NRG1: variants seen among roughly 807,000 people sequenced by gnomAD.
NRG1 encodes pro-neuregulin-1, membrane-bound isoform.
In NRG1, 18 loss-of-function variants were observed where a neutral mutation model predicts 63.8. The observed-to-expected ratio is 0.28, with a 90% CI of 0.19 to 0.42. NRG1 has a LOEUF of 0.42. NRG1 is among the 10% of genes least tolerant of loss of function. NRG1 has a pLI of 1.00. For missense variants in NRG1, 762 were observed against 814.7 expected (o/e 0.94, Z 0.79); for synonymous variants, 302 against 301.3 (o/e 1.00, Z -0.02).
intron 1 of NRG1, among the ~76,000 whole-genome samples, chr8:32,512,044 C>T (rs1369562260): frequency 6.6e-6 from 1 of 151,868 alleles, no homozygotes; most frequent in African/African-American, 2.4e-5. Flanking sequence ...TCATTCCATG[C>T]CACAGGAATG....
intron 1 of NRG1, among the ~76,000 whole-genome samples, chr8:32,591,282 A>G (rs1430942405): frequency 6.6e-6 from 1 of 152,162 alleles, no homozygotes; most frequent in Non-Finnish European, 1.5e-5. Context: ...GCTTTTCCAC[A>G]TCTGATGATT....
At chr8:32,482,936 A>G (rs1012742822) in intron 1 of NRG1, among the ~76,000 whole-genome samples, 4 of 152,224 alleles carry the variant, frequency 2.6e-5, no homozygotes, top group African/African-American at 4.8e-5. Flanking sequence ...TATTTATACC[A>G]AAGTGCCAAA....
chr8:31,706,855 AT>A (rs1265136338), intron 1 of NRG1, among the ~76,000 whole-genome samples: 2 of 151,818 alleles, frequency 1.3e-5, no homozygotes, highest in Non-Finnish European at 2.9e-5. Flanking sequence ...TGTATCTTTT[AT>A]TTTTTTCAAC....
chr8:32,490,027 A>G (rs775454228), intron 1 of NRG1, among the ~76,000 whole-genome samples: 1 of 152,320 alleles, frequency 6.6e-6, no homozygotes, highest in Admixed American at 6.5e-5. Context: ...AAATTCTTGC[A>G]GCTGGATGTG....
chr8:32,011,797 C>T (rs1417249625), intron 1 of NRG1, among the ~76,000 whole-genome samples: 5 of 152,072 alleles, frequency 3.3e-5, no homozygotes, highest in African/African-American at 9.7e-5. Flanking sequence ...CTGGAGGCTT[C>T]TGAGTAACTG....
rs961609710 is a variant in NRG1 at position 32,650,212 on chromosome 8, A to G, written c.502+33327A>G. On this transcript the variant is annotated intron_variant, in intron 5 of 11. Coordinates refer to ENST00000356819, the Ensembl canonical transcript of NRG1. ...TGTTTTAGTAGATTACATATTCCTT[A>G]TCAGTTTTTTTTTCCCCAAGCCAGG... Among the ~76,000 whole-genome samples the G allele has an allele frequency of 3.3e-5, 5 of 152,106 alleles. No homozygotes were observed. The East Asian group carries it at 9.6e-4, about 29-fold the overall frequency.
chr8:32,072,267 C>T (rs569548248), intron 1 of NRG1, among the ~76,000 whole-genome samples: 1 of 150,440 alleles, frequency 6.6e-6, no homozygotes, highest in Non-Finnish European at 1.5e-5. Context: ...AATAAGAAAC[C>T]CAAAACCTTG....
chr8:32,418,935 G>T (rs868348964), intron 1 of NRG1, among the ~76,000 whole-genome samples: 2 of 152,104 alleles, frequency 1.3e-5, no homozygotes, highest in South Asian at 2.1e-4. Context: ...CAACATTTAT[G>T]AAAACAGAAT....
At chr8:32,267,776 ATCTCTTCCT>A (rs1851134427) in intron 1 of NRG1, among the ~76,000 whole-genome samples, 1 of 152,168 alleles carries the variant, frequency 6.6e-6, no homozygotes, top group African/African-American at 2.4e-5. Flanking sequence ...GCTGATGTTC[ATCTCTTCCT>A]TATGTTATAC....
intron 1 of NRG1, among the ~76,000 whole-genome samples, chr8:31,919,464 TTGTATATTTTGAAAATG>T (rs1357187949): frequency 6.6e-6 from 1 of 151,962 alleles, no homozygotes; most frequent in African/African-American, 2.4e-5. Context: ...TAGTATGAGA[TTGTATATTTTGAAAATG>T]TGCAGAGGTT....
At chr8:32,581,575 C>G (rs2129531745) in intron 1 of NRG1, among the ~76,000 whole-genome samples, 1 of 152,112 alleles carries the variant, frequency 6.6e-6, no homozygotes, top group African/African-American at 2.4e-5. Context: ...CCTCTGTCTC[C>G]TAAGTGAAAC....
chr8:32,308,784 T>C (rs573598587), intron 1 of NRG1, among the ~76,000 whole-genome samples: 15 of 152,272 alleles, frequency 9.9e-5, no homozygotes, highest in African/African-American at 3.4e-4. Flanking sequence ...AGGGGGAAAA[T>C]TGGTGCTACA....
At chr8:31,715,697 A>G (rs562868551) in intron 1 of NRG1, among the ~76,000 whole-genome samples, 19 of 152,230 alleles carry the variant, frequency 1.2e-4, no homozygotes, top group African/African-American at 4.3e-4. Context: ...GGGTGCGGGG[A>G]GCAAAACTTG....
chr8:32,036,713 T>TG (rs1819130378), intron 1 of NRG1, among the ~76,000 whole-genome samples: 1 of 152,180 alleles, frequency 6.6e-6, no homozygotes. Flanking sequence ...TTTTTCCACT[T>TG]GGTCTATTCA....
chr8:32,337,466 A>G (rs1803419511), intron 1 of NRG1, among the ~76,000 whole-genome samples: 1 of 151,884 alleles, frequency 6.6e-6, no homozygotes, highest in Non-Finnish European at 1.5e-5. Flanking sequence ...TGTCTGTTTT[A>G]TAAGTAGAGG....
rs549013945 is a variant in NRG1, at chr8:32,073,530, C to T, written c.37+434099C>T. Among the ~76,000 whole-genome samples the T allele has an allele frequency of 1.6e-4, 24 of 152,180 alleles. 1 individual carries two copies. The highest frequency in any genetic ancestry group is 1.0e-3 in the Admixed American group (16 of 15,264). On this transcript the variant is annotated intron_variant, in intron 1 of 10. Transcript: ENST00000519301. The stretch of plus-strand genomic sequence containing the variant: ...ATAAGATAAATGCTCTGTTTTTATG[C>T]GTCTCTCTTTTCTAAAGTTGAATTG...
At position 32,142,907 on chromosome 8, in the gene NRG1, C is replaced by T. The variant is rs558425482; in HGVS notation, c.38-452921C>T. Among the ~76,000 whole-genome samples, 5 of 152,276 alleles carry T rather than the reference C, an allele frequency of 3.3e-5. No homozygotes were observed. The South Asian group carries it at 1.0e-3, about 32-fold the overall frequency. On this transcript the variant is annotated intron_variant, in intron 1 of 10. Coordinates refer to the NRG1 transcript ENST00000519301. ...TATGGATTAGGTTTCTAAAGGTATA[C>T]TTATGTCTGCCTTCGTCTTCAGAAA...
At chr8:32,336,270 G>A (rs886924149) in intron 1 of NRG1, among the ~76,000 whole-genome samples, 5 of 152,146 alleles carry the variant, frequency 3.3e-5, no homozygotes, top group South Asian at 4.1e-4. Context: ...TGAGGGGGAG[G>A]TCAGATGATA....
At chr8:31,934,364 CAT>C (rs948618947) in intron 1 of NRG1, among the ~76,000 whole-genome samples, 18 of 143,822 alleles carry the variant, frequency 1.3e-4, no homozygotes, top group Admixed American at 1.2e-3. Context: ...TGTATATATA[CAT>C]ATATATATCT....
Sources: gnomAD v4.1 joint callset for allele counts (sites outside exome capture counted in the v4.1 genomes callset) on GRCh38, gnomAD v4.1.1 for gene constraint, MANE v1.5 for transcripts, NCBI Gene and HGNC (gene_info 2026-07-23, HGNC 2026-07-21) for gene names.